FAM186A: variants seen among roughly 807,000 people sequenced by gnomAD.
FAM186A encodes protein FAM186A.
In FAM186A, 163 loss-of-function variants were observed where a neutral mutation model predicts 216.8. The observed-to-expected ratio is 0.75, with a 90% confidence interval of 0.66 to 0.86. The LOEUF (loss-of-function observed/expected upper bound fraction) is 0.86, where lower values mean the gene tolerates loss of function less well. Ranked by LOEUF, FAM186A falls within the 40% of genes least tolerant of loss-of-function variation. The pLI is 0.00. For synonymous variants in FAM186A, 805 were observed against 1,025.3 expected, an observed-to-expected ratio of 0.79 and a Z score of 4.10; for missense variants, 2,184 against 2,746.2, an observed-to-expected ratio of 0.80 and a Z score of 4.58.
At position 50,335,979 on chromosome 12, in the gene FAM186A, G is replaced by A. The variant is rs537741568; in HGVS notation, c.6504-1876C>T. Among the ~76,000 whole-genome samples the A allele has an allele frequency of 8.6e-5, 13 of 151,954 alleles. No homozygotes were observed. In the East Asian group the frequency reaches 1.9e-3, roughly 23 times the overall value. On this transcript the variant is annotated intron_variant, in intron 4 of 7. Transcript: ENST00000327337. ...ACTCTACTAAAAAATACAAAAATTAGCCCGGTGTGATGGCGGGCGCCTATA... is the reference window on the plus strand; with the variant it reads ...ACTCTACTAAAAAATACAAAAATTAACCCGGTGTGATGGCGGGCGCCTATA...
At chr12:50,376,551 G>A (rs749378145) in intron 1 of FAM186A, among the ~76,000 whole-genome samples, 6 of 152,052 alleles carry the variant, frequency 3.9e-5, no homozygotes, top group Non-Finnish European at 8.8e-5. Flanking sequence ...CTCTGAGTCT[G>A]GCTAAGTCTG....
chr12:50,337,232 A>G (rs1287978445), intron 4 of FAM186A, among the ~76,000 whole-genome samples: 1 of 150,938 alleles, frequency 6.6e-6, no homozygotes, highest in Non-Finnish European at 1.5e-5. Flanking sequence ...CACTGCTTGG[A>G]AAAGTTTAAC....
intron 1 of FAM186A, among the ~76,000 whole-genome samples, chr12:50,394,444 C>A (rs751545409): frequency 1.3e-5 from 2 of 151,846 alleles, no homozygotes; most frequent in Non-Finnish European, 2.9e-5. Flanking sequence ...GTCCCAGCTA[C>A]TTGGGAAGCT....
At chr12:50,362,849 G>A (rs550056927) in intron 2 of FAM186A, among the ~76,000 whole-genome samples, 1 of 151,930 alleles carries the variant, frequency 6.6e-6, no homozygotes, top group East Asian at 1.9e-4. Context: ...AATTTAAGCA[G>A]GGAATGAGCC....
intron 4 of FAM186A, among the ~76,000 whole-genome samples, chr12:50,346,770 G>A (rs1273512254): frequency 1.3e-5 from 2 of 151,950 alleles, no homozygotes; most frequent in Non-Finnish European, 2.9e-5. Flanking sequence ...TGGCGTGAAT[G>A]CGGGAGGCAG....
intron 4 of FAM186A, among the ~76,000 whole-genome samples, chr12:50,336,236 C>T (rs1453930881): frequency 2.0e-5 from 3 of 152,020 alleles, no homozygotes; most frequent in Non-Finnish European, 4.4e-5. Context: ...TACTGCCCTC[C>T]TATAATGTAT....
chr12:50,342,671 T>G (rs1592601544), intron 4 of FAM186A, among the ~76,000 whole-genome samples: 2 of 151,738 alleles, frequency 1.3e-5, no homozygotes, highest in Admixed American at 1.3e-4. Context: ...AGAGACAGGG[T>G]TTCACCATGT....
intron 4 of FAM186A, among the ~76,000 whole-genome samples, chr12:50,341,696 G>A (rs761592395): frequency 4.6e-5 from 7 of 152,088 alleles, no homozygotes; most frequent in Non-Finnish European, 8.8e-5. Flanking sequence ...TTAGCTGGGC[G>A]TAGTGATGTG....
chr12:50,346,261 G>GAAAGAAAGAAAGAAAGAAAT, intron 4 of FAM186A, among the ~76,000 whole-genome samples: 2 of 150,618 alleles, frequency 1.3e-5, no homozygotes, highest in African/African-American at 2.4e-5. Context: ...AAGAAAGAAA[G>GAAAGAAAGAAAGAAAGAAAT]AAAGTCATAC....
At chr12:50,341,554 C>T (rs1265110852) in intron 4 of FAM186A, among the ~76,000 whole-genome samples, 2 of 151,960 alleles carry the variant, frequency 1.3e-5, no homozygotes, top group South Asian at 2.1e-4. Context: ...ATTGAGAAAG[C>T]GACCTGACAC....
chr12:50,347,197 A>G (rs1942828836), intron 4 of FAM186A, among the ~76,000 whole-genome samples: 1 of 152,138 alleles, frequency 6.6e-6, no homozygotes, highest in Non-Finnish European at 1.5e-5. Context: ...TTTCAGGGAC[A>G]TGTGTAAAGG....
rs1942933858 is a variant in FAM186A at position 50,353,485 on chromosome 12, G to T, written c.3347C>A (p.Ala1116Asp). 25 of 1,539,658 alleles carry T rather than the reference G, an allele frequency of 1.6e-5. No homozygotes were observed. Among genetic ancestry groups the T allele is most frequent in the Non-Finnish European group, 2.1e-5 (24 of 1,141,152 alleles). ...GGTGAAAAGGATCTCCAGGGCCTGG[G>T]CCTGCTGAGGGGTGAGAGGGATCCC... ...ELGIPLTPQQ[A>D]QALEILFTPQ... The change falls in exon 4 of 8, where the codon GCC (alanine) becomes GAC (aspartate). Residue 1116 changes from alanine to aspartate, a missense_variant. Physicochemically the swap from Ala to Asp is moderately radical, Grantham distance 126. Around this residue, in one of 7 missense-constraint regions of FAM186A, gnomAD observed 267 missense variants for 446.2 expected, o/e 0.60. Coordinates refer to ENST00000327337, the MANE Select transcript of FAM186A (RefSeq NM_001145475.3).
intron 1 of FAM186A, among the ~76,000 whole-genome samples, chr12:50,366,318 A>C (rs1188094575): frequency 6.6e-6 from 1 of 152,204 alleles, no homozygotes; most frequent in Non-Finnish European, 1.5e-5. Flanking sequence ...CAGTGAACAA[A>C]GAAAAGATAC....
Position 50,351,584 on chromosome 12 carries a change from A to G in FAM186A, c.5248T>C (p.Ser1750Pro). The G allele has an allele frequency of 6.4e-7, 1 of 1,551,116 alleles. No homozygotes were observed. Among genetic ancestry groups the G allele is most frequent in the Non-Finnish European group, 8.7e-7 (1 of 1,146,684 alleles). Residue 1750 changes from serine (S) to proline (P), a missense_variant, in exon 4 of 8, where the codon TCC (serine) becomes CCC (proline). Around this residue, in one of 7 missense-constraint regions of FAM186A, gnomAD observed 721 missense variants for 816.4 expected, o/e 0.88. Coordinates refer to ENST00000327337, the MANE Select transcript of FAM186A (RefSeq NM_001145475.3). ...GTAGAAGAGACCCCGAATATAGAGG[A>G]CTTCTCAGCAGTAGGAGCTGATGAT... ...LASSAPTAEK[S>P]SIFGVSSTPL...
chr12:50,382,707 A>AAAAT (rs1038405826), intron 1 of FAM186A, among the ~76,000 whole-genome samples: 1 of 152,000 alleles, frequency 6.6e-6, no homozygotes. Flanking sequence ...CTCAAAAAAT[A>AAAAT]AAATAAATAA....
At chr12:50,350,271 A>G in intron 4 of FAM186A, 58 bp downstream of exon 4, 1 of 1,387,308 alleles carries the variant, frequency 7.2e-7, no homozygotes, top group Non-Finnish European at 9.7e-7. Context: ...GGACAATGAC[A>G]GAAAATATTT....
intron 4 of FAM186A, among the ~76,000 whole-genome samples, chr12:50,346,386 C>A (rs1429308247): frequency 1.3e-5 from 2 of 151,966 alleles, no homozygotes; most frequent in Admixed American, 1.3e-4. Flanking sequence ...CACACACCAC[C>A]ATGCCCAGCT....
chr12:50,365,777 C>T, intron 1 of FAM186A: 1 of 755,718 alleles, frequency 1.3e-6, no homozygotes, highest in Non-Finnish European at 2.4e-6. Context: ...GACAGAAGTA[C>T]AACATGTGAT....
intron 1 of FAM186A, among the ~76,000 whole-genome samples, chr12:50,373,628 A>G (rs909240113): frequency 3.3e-5 from 5 of 152,156 alleles, no homozygotes; most frequent in African/African-American, 9.7e-5. Context: ...TTAGAATGGC[A>G]ATCATTTAAA....
Sources: gnomAD v4.1 joint callset for allele counts (sites outside exome capture counted in the v4.1 genomes callset) on GRCh38, gnomAD v4.1.1 for gene constraint, gnomAD v4.1.1 regional missense constraint, MANE v1.5 for transcripts, NCBI Gene and HGNC (gene_info 2026-07-23, HGNC 2026-07-21) for gene names.